The following SAMD5 variants were observed in gnomAD, a reference collection of about 807,000 sequenced individuals.
The protein encoded by SAMD5 is sterile alpha motif domain containing 5.
A neutral mutation model predicts 11.3 loss-of-function variants in SAMD5; 13 were observed. The observed-to-expected ratio is 1.15, with a 90% confidence interval of 0.75 to 1.83. The LOEUF (loss-of-function observed/expected upper bound fraction) is 1.83. Ranked by LOEUF, SAMD5 falls within the 40% of genes most tolerant of loss-of-function variation. The pLI, the probability that SAMD5 is intolerant of heterozygous loss-of-function variation, is 0.00. For synonymous variants in SAMD5, 129 were observed against 111.3 expected (o/e 1.16, Z -1.00); for missense variants, 255 against 239.1 (o/e 1.07, Z -0.44).
At chr6:147,577,421 C>T (rs1789232451) in intron 1 of SAMD5, among the ~76,000 whole-genome samples, 2 of 152,084 alleles carry the variant, frequency 1.3e-5, no homozygotes, top group African/African-American at 4.8e-5. Context: ...TTTGGAGAAA[C>T]ATTACAATAA....
chr6:147,831,060 T>C, the SAMD5 span, among the ~76,000 whole-genome samples: 1 of 152,228 alleles, frequency 6.6e-6, no homozygotes, highest in Non-Finnish European at 1.5e-5. Flanking sequence ...TGTAGAAATG[T>C]AGAAAATGTT....
the SAMD5 span, among the ~76,000 whole-genome samples, chr6:147,950,127 A>C: frequency 3.3e-5 from 5 of 152,188 alleles, no homozygotes; most frequent in African/African-American, 9.7e-5. Context: ...AAGGCATTGA[A>C]ATTTTCACGC....
chr6:147,901,046 G>C, the SAMD5 span, among the ~76,000 whole-genome samples: 2 of 152,070 alleles, frequency 1.3e-5, no homozygotes, highest in East Asian at 1.9e-4. Flanking sequence ...TGATGGTCAG[G>C]GTTCACGTCA....
intron 1 of SAMD5, among the ~76,000 whole-genome samples, chr6:147,621,000 A>T (rs1200300403): frequency 7.0e-6 from 1 of 141,960 alleles, no homozygotes; most frequent in Non-Finnish European, 1.5e-5. Flanking sequence ...GCGCGCGCGC[A>T]CATGCGCGCG....
At chr6:147,707,925 G>T (rs1791346664) in intron 1 of SAMD5, among the ~76,000 whole-genome samples, 1 of 152,088 alleles carries the variant, frequency 6.6e-6, no homozygotes, top group Non-Finnish European at 1.5e-5. Flanking sequence ...TTAGGGTGGG[G>T]AGTAGGAGCT....
intron 1 of SAMD5, among the ~76,000 whole-genome samples, chr6:147,704,550 AAATCAG>A (rs745960944): frequency 9.2e-5 from 14 of 152,172 alleles, no homozygotes; most frequent in Non-Finnish European, 1.9e-4. Flanking sequence ...TTTCTGATGC[AAATCAG>A]AAAAAAAAAG....
chr6:147,884,127 C>G, the SAMD5 span, among the ~76,000 whole-genome samples: 3 of 151,258 alleles, frequency 2.0e-5, no homozygotes, highest in East Asian at 6.0e-4. Context: ...GGGAAATACA[C>G]TGGTGGAGTT....
rs914751940 is a variant in SAMD5, at chr6:147,567,636, G to C, written c.*3180G>C. The C allele has an allele frequency of 9.1e-6, 9 of 984,420 alleles. No individual in the cohort carries two copies. Among genetic ancestry groups the C allele is most frequent in the Non-Finnish European group, 1.1e-5 (9 of 829,048 alleles). 61.0% of individuals were successfully genotyped at this position (984,420 alleles called of 1,614,324 possible). On this transcript the variant is annotated 3_prime_UTR_variant, in exon 2 of 2. Transcript: ENST00000367474. ...CAGTGCTAGGCATGTAGCAGGTGCT[G>C]ACTGCCTCTCTCCCTTCCCTTCTTT...
chr6:147,814,155 A>G, the SAMD5 span, among the ~76,000 whole-genome samples: 1 of 152,196 alleles, frequency 6.6e-6, no homozygotes, highest in Non-Finnish European at 1.5e-5. Context: ...AATGGAAAAC[A>G]TTAGTATGCT....
the SAMD5 span, among the ~76,000 whole-genome samples, chr6:147,822,463 T>C: frequency 6.6e-6 from 1 of 152,230 alleles, no homozygotes; most frequent in Non-Finnish European, 1.5e-5. Flanking sequence ...AATTGCATGT[T>C]TACTTCTATA....
intron 1 of SAMD5, among the ~76,000 whole-genome samples, chr6:147,734,444 T>C (rs1583158389): frequency 6.6e-6 from 1 of 151,924 alleles, no homozygotes; most frequent in Non-Finnish European, 1.5e-5. Flanking sequence ...AGACCGGGCG[T>C]GGTGGCTCAC....
chr6:147,574,369 T>C (rs376263943), downstream of SAMD5, among the ~76,000 whole-genome samples: 3 of 152,190 alleles, frequency 2.0e-5, no homozygotes, highest in African/African-American at 7.2e-5. Flanking sequence ...AAAGTTAGAA[T>C]TGGAATCTCA....
the SAMD5 span, among the ~76,000 whole-genome samples, chr6:147,859,501 T>G: frequency 6.6e-6 from 1 of 152,176 alleles, no homozygotes; most frequent in South Asian, 2.1e-4. Flanking sequence ...ATGATGAGAC[T>G]TTGTTGGCTT....
At chr6:147,558,596 TC>T (rs1016394357) in intron 1 of SAMD5, among the ~76,000 whole-genome samples, 1 of 151,452 alleles carries the variant, frequency 6.6e-6, no homozygotes, top group African/African-American at 2.4e-5. Flanking sequence ...TTTTCGAATC[TC>T]CCCCCCGTCC....
chr6:147,629,213 G>C (rs558524856), intron 1 of SAMD5, among the ~76,000 whole-genome samples: 2 of 152,254 alleles, frequency 1.3e-5, no homozygotes, highest in South Asian at 2.1e-4. Context: ...AGGAGGTTGG[G>C]GCAGGAGAAT....
chr6:147,784,910 G>A, the SAMD5 span, among the ~76,000 whole-genome samples: 2 of 152,128 alleles, frequency 1.3e-5, no homozygotes, highest in Non-Finnish European at 2.9e-5. Context: ...GATAGTGAAA[G>A]CTTCCTTTTT....
chr6:147,753,332 C>T, the SAMD5 span, among the ~76,000 whole-genome samples: 7 of 152,148 alleles, frequency 4.6e-5, no homozygotes, highest in East Asian at 5.8e-4. Context: ...CACACACAGA[C>T]GCCCCTACTC....
chr6:147,858,731 C>G, the SAMD5 span, among the ~76,000 whole-genome samples: 1 of 152,164 alleles, frequency 6.6e-6, no homozygotes, highest in Non-Finnish European at 1.5e-5. Flanking sequence ...CTCGTTCCAT[C>G]TTGTAAATTG....
the SAMD5 span, among the ~76,000 whole-genome samples, chr6:147,868,988 C>G: frequency 7.2e-5 from 11 of 152,316 alleles, no homozygotes; most frequent in East Asian, 1.9e-3. Context: ...GAATTAAGAG[C>G]TTATTCCATT....
Sources: gnomAD v4.1 joint callset for allele counts (sites outside exome capture counted in the v4.1 genomes callset) on GRCh38, gnomAD v4.1.1 for gene constraint, MANE v1.5 for transcripts, NCBI Gene and HGNC (gene_info 2026-07-23, HGNC 2026-07-21) for gene names.